Variants in CNTNAP5 observed in about 807,000 individuals in gnomAD.
CNTNAP5 encodes the protein contactin associated protein family member 5.
In CNTNAP5, 72 loss-of-function variants were observed where a neutral mutation model predicts 150.2. That is an observed-to-expected ratio of 0.48 (90% CI 0.40 to 0.58). The LOEUF is 0.58. CNTNAP5 is among the 20% of genes least tolerant of loss of function. CNTNAP5 has a pLI of 0.00. For synonymous variants in CNTNAP5, 672 were observed against 619.8 expected, an observed-to-expected ratio of 1.08 and a Z score of -1.25; for missense variants, 1,636 against 1,626.2, an observed-to-expected ratio of 1.01 and a Z score of -0.10.
chr2:124,280,149 TATATATATAC>T (rs1421501518), intron 3 of CNTNAP5, among the ~76,000 whole-genome samples: 3 of 151,630 alleles, frequency 2.0e-5, no homozygotes, highest in Non-Finnish European at 4.4e-5. Context: ...GTGATTATTT[TATATATATAC>T]ATATATATAC....
intron 11 of CNTNAP5, among the ~76,000 whole-genome samples, chr2:124,602,111 G>A (rs183318080): frequency 2.2e-3 from 329 of 152,180 alleles, no homozygotes; most frequent in African/African-American, 7.4e-3. Context: ...TTGGGAGGCC[G>A]AGGCGGGTGG....
At chr2:124,723,909 G>T (rs574184119) in intron 13 of CNTNAP5, among the ~76,000 whole-genome samples, 42 of 152,156 alleles carry the variant, frequency 2.8e-4, no homozygotes, top group African/African-American at 9.6e-4. Context: ...ACTTTGGGAG[G>T]CTGAGGTGGG....
At chr2:124,649,332 G>C (rs1186161200) in intron 13 of CNTNAP5, among the ~76,000 whole-genome samples, 1 of 152,070 alleles carries the variant, frequency 6.6e-6, no homozygotes, top group Non-Finnish European at 1.5e-5. Context: ...ATATTTATGT[G>C]TGTTTCTCTC....
intron 19 of CNTNAP5, among the ~76,000 whole-genome samples, chr2:124,818,986 T>C (rs1345238229): frequency 6.6e-6 from 1 of 151,990 alleles, no homozygotes; most frequent in African/African-American, 2.4e-5. Context: ...TTCATGTAGA[T>C]CCCTTGTCTG....
intron 12 of CNTNAP5, among the ~76,000 whole-genome samples, chr2:124,615,382 GT>G (rs1263837802): frequency 1.3e-5 from 2 of 152,138 alleles, no homozygotes; most frequent in Non-Finnish European, 2.9e-5. Context: ...TTTTAACAAT[GT>G]TTACAGCCTC....
intron 1 of CNTNAP5, among the ~76,000 whole-genome samples, chr2:124,214,548 G>A (rs895969847): frequency 1.3e-5 from 2 of 152,136 alleles, no homozygotes; most frequent in Admixed American, 6.5e-5. Context: ...TTGTGTTGAT[G>A]AAACAAATGA....
intron 2 of CNTNAP5, among the ~76,000 whole-genome samples, chr2:124,237,741 T>C (rs768143903): frequency 2.0e-5 from 3 of 151,912 alleles, no homozygotes; most frequent in Non-Finnish European, 2.9e-5. Flanking sequence ...GGAGGCTAAG[T>C]TGGGAGAATC....
At chr2:124,028,941 A>G (rs916688720) in intron 1 of CNTNAP5, among the ~76,000 whole-genome samples, 12 of 152,178 alleles carry the variant, frequency 7.9e-5, no homozygotes, top group African/African-American at 2.9e-4. Flanking sequence ...CACTGATAAA[A>G]TGTGCATTCA....
chr2:124,738,357 A>G (rs1013353617), intron 13 of CNTNAP5, among the ~76,000 whole-genome samples: 5 of 152,182 alleles, frequency 3.3e-5, no homozygotes, highest in African/African-American at 1.2e-4. Flanking sequence ...ATCAGTTCCT[A>G]AAGATTTATA....
chr2:124,631,527 A>C (rs1677860454), intron 12 of CNTNAP5, among the ~76,000 whole-genome samples: 2 of 152,198 alleles, frequency 1.3e-5, no homozygotes, highest in Non-Finnish European at 1.5e-5. Context: ...CATATGCAGA[A>C]AATCGAAACT....
chr2:124,278,697 A>C (rs780052), intron 3 of CNTNAP5, among the ~76,000 whole-genome samples: 20,933 of 152,180 alleles, frequency 0.14, 2,006 homozygotes, highest in East Asian at 0.33. Flanking sequence ...CCTTTAGCAA[A>C]TAGCTTGAAC....
intron 3 of CNTNAP5, among the ~76,000 whole-genome samples, chr2:124,329,474 G>A (rs1263471212): frequency 6.6e-6 from 1 of 152,154 alleles, no homozygotes; most frequent in African/African-American, 2.4e-5. Context: ...CCTTGGTTCT[G>A]AGGCTGCTTC....
intron 11 of CNTNAP5, among the ~76,000 whole-genome samples, chr2:124,588,209 TTTCTTTCTTTCTTTCTTTC>T (rs1696597045): frequency 4.1e-5 from 6 of 148,028 alleles, no homozygotes; most frequent in Non-Finnish European, 8.9e-5. Context: ...TCTTTCTTTC[TTTCTTTCTTTCTTTCTTTC>T]TTTCTTTCTT....
At chr2:124,467,564 T>C (rs1693407128) in intron 6 of CNTNAP5, among the ~76,000 whole-genome samples, 1 of 152,128 alleles carries the variant, frequency 6.6e-6, no homozygotes, top group African/African-American at 2.4e-5. Flanking sequence ...TGAAAACAAA[T>C]GATCTGAGGG....
At chr2:124,075,386 T>G (rs1052277021) in intron 1 of CNTNAP5, among the ~76,000 whole-genome samples, 4 of 152,122 alleles carry the variant, frequency 2.6e-5, no homozygotes, top group Non-Finnish European at 5.9e-5. Context: ...TGTGAAGTTT[T>G]TTGCCATCAT....
intron 8 of CNTNAP5, among the ~76,000 whole-genome samples, chr2:124,507,676 C>A (rs149134732): frequency 6.6e-6 from 1 of 152,258 alleles, no homozygotes; most frequent in African/African-American, 2.4e-5. Flanking sequence ...TCGATCCATA[C>A]AAGGGAGAGC....
intron 13 of CNTNAP5, among the ~76,000 whole-genome samples, chr2:124,694,105 C>T (rs1171997920): frequency 2.0e-5 from 3 of 152,160 alleles, no homozygotes; most frequent in African/African-American, 7.2e-5. Context: ...CCATGACCTC[C>T]CACTTCTAAC....
intron 1 of CNTNAP5, among the ~76,000 whole-genome samples, chr2:124,071,863 A>C (rs1466685975): frequency 6.6e-6 from 1 of 151,926 alleles, no homozygotes; most frequent in Non-Finnish European, 1.5e-5. Flanking sequence ...TTTCAAATTA[A>C]TTCTAAGAGG....
Position 124,898,098 on chromosome 2 carries a change from A to G in CNTNAP5, c.3437-4784A>G, listed in dbSNP as rs79551370. Among the ~76,000 whole-genome samples, 18 of 151,390 alleles carry G rather than the reference A, an allele frequency of 1.2e-4. 1 individual carries two copies. In the East Asian group the frequency reaches 3.5e-3, roughly 29 times the overall value. The stretch of plus-strand genomic sequence containing the variant: ...ACTGTTTGTCCCTTACCTGAAAGCC[A>G]CAATGAACTCCAGAGGGAAAAATTT... On this transcript the variant is annotated intron_variant, in intron 21 of 23. Transcript: ENST00000682447.
Sources: gnomAD v4.1 joint callset for allele counts (sites outside exome capture counted in the v4.1 genomes callset) on GRCh38, gnomAD v4.1.1 for gene constraint, MANE v1.5 for transcripts, NCBI Gene and HGNC (gene_info 2026-07-23, HGNC 2026-07-21) for gene names.